The following FAR2 variants were observed in gnomAD, a reference collection of about 807,000 sequenced individuals.
FAR2 encodes the protein fatty acyl-CoA reductase 2, also known as epididymis secretory protein Li 81.
Under a neutral mutation model 56.0 loss-of-function variants are expected in FAR2, and 19 were observed. The observed-to-expected ratio is 0.34, with a 90% CI of 0.24 to 0.50. The LOEUF is 0.50. Among genes scored for constraint, FAR2 ranks in the 20% least tolerant of loss-of-function variants. The pLI is 0.98. For synonymous variants in FAR2, 219 were observed against 218.8 expected (o/e 1.00, Z -0.01); for missense variants, 508 against 642.2 (o/e 0.79, Z 2.26).
At chr12:29,254,950 CAAAA>C (rs759782873) in intron 1 of FAR2, among the ~76,000 whole-genome samples, 2 of 121,546 alleles carry the variant, frequency 1.6e-5, no homozygotes, top group African/African-American at 3.4e-5. Context: ...AAGACTGTCT[CAAAA>C]AAAAAAAAAA....
intron 1 of FAR2, among the ~76,000 whole-genome samples, chr12:29,203,873 G>A (rs369858704): frequency 3.8e-4 from 58 of 151,702 alleles, no homozygotes; most frequent in African/African-American, 1.3e-3. Context: ...GGTGGCGGGC[G>A]CCTGTAGTCC....
At chr12:29,300,099 T>TA (rs201258357) in intron 4 of FAR2, among the ~76,000 whole-genome samples, 1,665 of 152,386 alleles carry the variant, frequency 0.011, 17 homozygotes, top group Non-Finnish European at 0.017. Flanking sequence ...TTTGGTGGCA[T>TA]AGACGATTAT....
chr12:29,310,847 T>C (rs1242540473), intron 6 of FAR2, among the ~76,000 whole-genome samples, 181 bp from the exon 7 acceptor site: 1 of 152,154 alleles, frequency 6.6e-6, no homozygotes, highest in African/African-American at 2.4e-5. Flanking sequence ...ACGCATGCAC[T>C]TGGCTGGGAA....
intron 1 of FAR2, among the ~76,000 whole-genome samples, chr12:29,233,939 A>G (rs1175776341): frequency 6.6e-6 from 1 of 152,092 alleles, no homozygotes; most frequent in Non-Finnish European, 1.5e-5. Context: ...ACTGCTAATT[A>G]TGTCCCAGTT....
intron 1 of FAR2, among the ~76,000 whole-genome samples, chr12:29,230,447 G>A (rs1947839086): frequency 6.6e-6 from 1 of 152,000 alleles, no homozygotes; most frequent in Non-Finnish European, 1.5e-5. Flanking sequence ...AGCAGTGATA[G>A]GAAATGCAAT....
intron 10 of FAR2, among the ~76,000 whole-genome samples, chr12:29,332,128 G>T (rs1591979092): frequency 6.6e-6 from 1 of 152,110 alleles, no homozygotes; most frequent in Middle Eastern, 3.4e-3. Context: ...TTAAGGCTTT[G>T]CTTCCCAAAG....
chr12:29,260,734 A>G (rs1387477418), intron 1 of FAR2, among the ~76,000 whole-genome samples: 1 of 152,192 alleles, frequency 6.6e-6, no homozygotes, highest in Non-Finnish European at 1.5e-5. Flanking sequence ...CCAGGAAGGC[A>G]TCTGTGGACC....
intron 1 of FAR2, among the ~76,000 whole-genome samples, chr12:29,162,205 T>G (rs1949787415): frequency 6.6e-6 from 1 of 152,264 alleles, no homozygotes; most frequent in Non-Finnish European, 1.5e-5. Context: ...AAAAATTGTG[T>G]TGTTTTGCCT....
intron 1 of FAR2, among the ~76,000 whole-genome samples, chr12:29,259,488 T>C (rs1326264542): frequency 1.3e-5 from 2 of 152,198 alleles, no homozygotes; most frequent in Non-Finnish European, 2.9e-5. Flanking sequence ...TGAATCTTAA[T>C]TTTTTTATTT....
At chr12:29,183,831 C>A (rs1565684752) in intron 1 of FAR2, among the ~76,000 whole-genome samples, 1 of 152,188 alleles carries the variant, frequency 6.6e-6, no homozygotes, top group Non-Finnish European at 1.5e-5. Flanking sequence ...CAAGCACAAT[C>A]ATGTATCATT....
intron 8 of FAR2, among the ~76,000 whole-genome samples, chr12:29,313,951 C>T (rs946546762): frequency 1.1e-4 from 16 of 146,532 alleles, no homozygotes; most frequent in Admixed American, 8.0e-4. Flanking sequence ...ATATAGCTCA[C>T]GAATATTCGG....
intron 1 of FAR2, among the ~76,000 whole-genome samples, chr12:29,255,655 G>A (rs183264189): frequency 8.7e-5 from 13 of 149,686 alleles, no homozygotes; most frequent in Non-Finnish European, 1.8e-4. Flanking sequence ...ATGGAGTTTC[G>A]TTCTTGTTGC....
intron 1 of FAR2, among the ~76,000 whole-genome samples, chr12:29,178,888 C>T (rs1243537473): frequency 2.6e-5 from 4 of 152,188 alleles, no homozygotes; most frequent in Non-Finnish European, 5.9e-5. Flanking sequence ...AGCAGACATG[C>T]ATTTTCTCAC....
chr12:29,155,321 A>G (rs1949717728), intron 1 of FAR2, among the ~76,000 whole-genome samples: 1 of 152,234 alleles, frequency 6.6e-6, no homozygotes, highest in African/African-American at 2.4e-5. Context: ...ATCTGTAGGA[A>G]CATTGGTTTT....
At chr12:29,257,793 C>T (rs534037292) in intron 1 of FAR2, among the ~76,000 whole-genome samples, 10 of 152,250 alleles carry the variant, frequency 6.6e-5, no homozygotes, top group Admixed American at 3.3e-4. Context: ...GAACAAACTC[C>T]GGACACGCCA....
intron 1 of FAR2, among the ~76,000 whole-genome samples, chr12:29,265,906 A>G (rs1810311555): frequency 1.3e-5 from 2 of 152,212 alleles, no homozygotes; most frequent in Admixed American, 1.3e-4. Flanking sequence ...CAACAGGTTT[A>G]TGAAAAGGTG....
At chr12:29,251,703 C>T (rs1440485486) in intron 1 of FAR2, among the ~76,000 whole-genome samples, 1 of 152,128 alleles carries the variant, frequency 6.6e-6, no homozygotes, top group Non-Finnish European at 1.5e-5. Flanking sequence ...ACTAGAACTG[C>T]CTCTATCTAG....
intron 1 of FAR2, among the ~76,000 whole-genome samples, chr12:29,193,747 T>G: frequency 6.6e-6 from 1 of 152,232 alleles, no homozygotes; most frequent in East Asian, 1.9e-4. Context: ...AATTTTCACC[T>G]CTTTTGGGTA....
rs143802532 is a variant in FAR2, at chr12:29,220,702, C to T, written c.-38-49710C>T. Among the ~76,000 whole-genome samples, 22 of 152,144 alleles carry T rather than the reference C, an allele frequency of 1.4e-4. No homozygotes were observed. In the East Asian group the frequency reaches 3.3e-3, roughly 23 times the overall value. ...GTATGTTACCAGTGGGATATCCATA[C>T]GATTCTGTAGCAACCTCAATTCTTG... On this transcript the variant is annotated intron_variant, in intron 1 of 11. Coordinates refer to ENST00000536681, the MANE Select transcript of FAR2 (RefSeq NM_001271783.2).
Sources: gnomAD v4.1 joint callset for allele counts (sites outside exome capture counted in the v4.1 genomes callset) on GRCh38, gnomAD v4.1.1 for gene constraint, MANE v1.5 for transcripts, NCBI Gene and HGNC (gene_info 2026-07-23, HGNC 2026-07-21) for gene names.